GPCPD1: variants seen among roughly 807,000 people sequenced by gnomAD.
GPCPD1 encodes glycerophosphocholine phosphodiesterase GPCPD1.
In GPCPD1, 29 loss-of-function variants were observed where a neutral mutation model predicts 89.2. That is an observed-to-expected ratio of 0.33 (90% CI 0.24 to 0.44). GPCPD1 has a LOEUF of 0.44. Ranked by LOEUF, GPCPD1 falls within the 20% of genes least tolerant of loss-of-function variation. The pLI, the probability that GPCPD1 is intolerant of heterozygous loss-of-function variation, is 1.00. For synonymous variants in GPCPD1, 258 were observed against 266.3 expected (o/e 0.97, Z 0.30); for missense variants, 594 against 808.9 (o/e 0.73, Z 3.22).
intron 12 of GPCPD1, among the ~76,000 whole-genome samples, chr20:5,568,459 A>G (rs762846256): frequency 3.3e-5 from 5 of 152,128 alleles, no homozygotes; most frequent in South Asian, 2.1e-4. Context: ...TGTTTTTATA[A>G]GAAAAACACC....
intron 11 of GPCPD1, among the ~76,000 whole-genome samples, chr20:5,571,804 G>A (rs1392239447): frequency 1.3e-5 from 2 of 152,060 alleles, no homozygotes; most frequent in Non-Finnish European, 2.9e-5. Flanking sequence ...AGCTACTCGG[G>A]AGGCTGAAAC....
chr20:5,597,085 C>G (rs1027397633), intron 3 of GPCPD1, among the ~76,000 whole-genome samples: 3 of 152,040 alleles, frequency 2.0e-5, no homozygotes, highest in African/African-American at 7.3e-5. Flanking sequence ...AAAAAATAGC[C>G]ACTTGAAGGA....
intron 6 of GPCPD1, among the ~76,000 whole-genome samples, chr20:5,583,262 C>T (rs1226132123): frequency 6.7e-6 from 1 of 149,608 alleles, no homozygotes; most frequent in African/African-American, 2.5e-5. Flanking sequence ...TTCCAGTCAC[C>T]CAGCTGGGCA....
intron 2 of GPCPD1, among the ~76,000 whole-genome samples, chr20:5,600,048 G>A (rs1980016150): frequency 1.3e-5 from 2 of 152,156 alleles, no homozygotes; most frequent in Admixed American, 6.5e-5. Context: ...AATTCATAAA[G>A]AAAAAGATAA....
intron 15 of GPCPD1, among the ~76,000 whole-genome samples, chr20:5,563,211 C>T (rs1455885789): frequency 6.6e-6 from 1 of 152,078 alleles, no homozygotes; most frequent in Non-Finnish European, 1.5e-5. Context: ...GATCCCCTGA[C>T]CTCGTGATCC....
intron 1 of GPCPD1, among the ~76,000 whole-genome samples, chr20:5,609,623 T>C (rs238291): frequency 0.038 from 5,856 of 152,322 alleles, 159 homozygotes; most frequent in Non-Finnish European, 0.061. Flanking sequence ...TTTATGTACG[T>C]ATCAAATTTT....
At chr20:5,567,959 A>C (rs1986487301) in intron 12 of GPCPD1, 1 of 154,114 alleles carries the variant, frequency 6.5e-6, no homozygotes. Flanking sequence ...GTACTATATA[A>C]AATTTATTTC....
At chr20:5,560,189 C>T (rs1431049799) in intron 16 of GPCPD1, 113 bp from the exon 17 acceptor site, 2 of 589,596 alleles carry the variant, frequency 3.4e-6, no homozygotes, top group African/African-American at 3.9e-5. Flanking sequence ...GTATCTAGTC[C>T]AACTACTATT....
At chr20:5,583,587 C>G (rs1484273285) in intron 6 of GPCPD1, among the ~76,000 whole-genome samples, 2 of 152,056 alleles carry the variant, frequency 1.3e-5, no homozygotes, top group African/African-American at 4.8e-5. Flanking sequence ...ATAGTATTTA[C>G]TAAAACAGAA....
At chr20:5,592,523 A>G (rs1427145575) in intron 4 of GPCPD1, among the ~76,000 whole-genome samples, 1 of 152,176 alleles carries the variant, frequency 6.6e-6, no homozygotes, top group Non-Finnish European at 1.5e-5. Context: ...ACGAGGTAAC[A>G]GTGGCTGCTT....
intron 12 of GPCPD1, among the ~76,000 whole-genome samples, chr20:5,568,209 T>C (rs1353793558): frequency 7.6e-6 from 1 of 131,328 alleles, no homozygotes; most frequent in Non-Finnish European, 1.6e-5. Context: ...CAATAAATCA[T>C]CTGTCCAACA....
In GPCPD1 at chr20:5,546,664, T is replaced by C. The variant is rs1441060433; in HGVS notation, c.*997A>G. 6.6e-6 allele frequency: 1 copy of C among 152,562 alleles called. No homozygotes were observed. The highest frequency in any genetic ancestry group is 1.9e-4 in the East Asian group (1 of 5,202). The allele number at this position is 152,562 out of a possible 1,614,324, so 9.5% of individuals were successfully genotyped here. On this transcript the variant is annotated 3_prime_UTR_variant, in exon 20 of 20. Coordinates refer to ENST00000379019, the MANE Select transcript of GPCPD1 (RefSeq NM_019593.5). ...ATATGAAAATTCAGGACATTTATTT[T>C]TCTGCATGGAAATTTAACTACTGTA...
At chr20:5,574,044 A>G in intron 10 of GPCPD1, 75 bp from the exon 11 acceptor site, 1 of 843,284 alleles carries the variant, frequency 1.2e-6, no homozygotes, top group Non-Finnish European at 2.0e-6. Flanking sequence ...AGCAAAGTGT[A>G]CTTTCAACAA....
intron 14 of GPCPD1, among the ~76,000 whole-genome samples, 171 bp from the exon 15 acceptor site, chr20:5,565,249 T>G (rs1318020015): frequency 6.7e-6 from 1 of 148,706 alleles, no homozygotes; most frequent in Non-Finnish European, 1.5e-5. Context: ...TTAATAGAGG[T>G]AGGGTCTCAC....
chr20:5,576,060 C>CAG, intron 8 of GPCPD1, 82 bp from the exon 9 acceptor site: 1 of 545,530 alleles, frequency 1.8e-6, no homozygotes, highest in Non-Finnish European at 3.2e-6. Flanking sequence ...CACACACACA[C>CAG]AGACACACAC....
chr20:5,594,816 G>A (rs896242621), intron 3 of GPCPD1, among the ~76,000 whole-genome samples: 1 of 152,138 alleles, frequency 6.6e-6, no homozygotes, highest in Non-Finnish European at 1.5e-5. Context: ...ACAAATTGAA[G>A]GTCTGTGGCA....
chr20:5,597,081 T>C (rs1156877284), intron 3 of GPCPD1, among the ~76,000 whole-genome samples: 2 of 151,980 alleles, frequency 1.3e-5, no homozygotes, highest in African/African-American at 2.4e-5. Context: ...GAAGAAAAAA[T>C]AGCCACTTGA....
intron 2 of GPCPD1, among the ~76,000 whole-genome samples, chr20:5,601,078 G>A (rs1980100404): frequency 6.6e-6 from 1 of 151,960 alleles, no homozygotes; most frequent in African/African-American, 2.4e-5. Flanking sequence ...TACTCGGGAG[G>A]CTGAGGAATG....
At chr20:5,597,205 A>G (rs1031672617) in intron 3 of GPCPD1, among the ~76,000 whole-genome samples, 1 of 152,352 alleles carries the variant, frequency 6.6e-6, no homozygotes, top group African/African-American at 2.4e-5. Flanking sequence ...AATATGTCAT[A>G]CTAGTGACAA....
Sources: allele counts gnomAD v4.1 joint callset (sites outside exome capture counted in the v4.1 genomes callset), GRCh38; gene constraint gnomAD v4.1.1; transcripts MANE v1.5; gene names NCBI Gene and HGNC (gene_info 2026-07-23, HGNC 2026-07-21).